Variants in UBA52 observed in about 807,000 individuals in gnomAD.
UBA52 encodes ubiquitin-ribosomal protein eL40 fusion protein.
A neutral mutation model predicts 15.3 loss-of-function variants in UBA52; 1 was observed. The observed-to-expected ratio is 0.07, with a 90% CI of 0.02 to 0.31. The LOEUF is 0.31. Among genes scored for constraint, UBA52 ranks in the 10% least tolerant of loss-of-function variants. The probability of loss-of-function intolerance (pLI) is 1.00; values close to 1 mark genes in which losing one functional copy is unlikely to be tolerated. For synonymous variants in UBA52, 50 were observed against 58.3 expected, an observed-to-expected ratio of 0.86 and a Z score of 0.65; for missense variants, 87 against 168.0, an observed-to-expected ratio of 0.52 and a Z score of 2.66.
chr19:18,569,702 C>T (rs1378238307), upstream of UBA52, among the ~76,000 whole-genome samples: 1 of 151,208 alleles, frequency 6.6e-6, no homozygotes, highest in African/African-American at 2.4e-5. Flanking sequence ...CCATCAGACA[C>T]ACTCCCAGGG....
At position 18,573,126 on chromosome 19, in the gene UBA52, G is replaced by C. The variant is rs1312577612; in HGVS notation, c.-8-167G>C. 44 of 1,121,546 alleles carry C rather than the reference G, an allele frequency of 3.9e-5. No individual in the cohort carries two copies. The East Asian group carries it at 1.2e-3, about 30-fold the overall frequency. The allele number at this position is 1,121,546 out of a possible 1,614,324, so 69.5% of individuals were successfully genotyped here. On this transcript the variant is annotated intron_variant, in intron 1 of 4. Transcript: ENST00000442744. The stretch of plus-strand genomic sequence containing the variant: ...GACTACAGGCCAGGGTGTGTGAGAA[G>C]CCTAGCAGGGCCAGGCTTGGAGGAG...
At chr19:18,573,538 G>T in intron 2 of UBA52, 124 bp from the exon 3 acceptor site, 1 of 1,311,246 alleles carries the variant, frequency 7.6e-7, no homozygotes, top group Non-Finnish European at 1.1e-6. Context: ...TCTGAAGAAC[G>T]TTTGTTATCT....
chr19:18,564,515 C>G, the UBA52 span, among the ~76,000 whole-genome samples: 1 of 152,178 alleles, frequency 6.6e-6, no homozygotes, highest in South Asian at 2.1e-4. Flanking sequence ...CAGCTATACT[C>G]GGGAGGCTGA....
In UBA52 at chr19:18,575,087, C is replaced by T. The variant is rs779857389; in HGVS notation, c.324C>T (p.Val108=). 2 of 1,614,228 alleles carry T rather than the reference C, an allele frequency of 1.2e-6. No individual in the cohort carries two copies. The highest frequency in any genetic ancestry group is 1.7e-6 in the Non-Finnish European group (2 of 1,180,040). ...KCYARLHPRA[V]NCRKKKCGHT... ...ATGCTCGCCTTCACCCTCGTGCTGT[C>T]AACTGCCGCAAGAAGAAGTGTGGTC... Residue 108 remains valine (V), a synonymous_variant, in exon 5 of 5, where the codon GTC becomes GTT. Transcript: ENST00000442744.
At chr19:18,568,730 C>A, upstream of UBA52, 1 of 885,662 alleles carries the variant, frequency 1.1e-6, no homozygotes. Flanking sequence ...TCCTTTGCTG[C>A]CCCGTTCTGT....
At chr19:18,565,166 TC>T in the UBA52 span, 1 of 1,438,682 alleles carries the variant, frequency 7.0e-7, no homozygotes, top group African/African-American at 1.4e-5. Context: ...CTGGGACAAT[TC>T]CAACCCTGGG....
chr19:18,564,111 T>G, the UBA52 span, among the ~76,000 whole-genome samples: 2 of 151,942 alleles, frequency 1.3e-5, no homozygotes, highest in Admixed American at 6.6e-5. Flanking sequence ...GGTCTCGAAC[T>G]CCTGACCTCA....
Position 18,575,168 on chromosome 19 carries a change from A to G in UBA52, c.*18A>G. The G allele has an allele frequency of 6.2e-7, 1 of 1,614,022 alleles. No homozygotes were observed. The highest frequency in any genetic ancestry group is 8.5e-7 in the Non-Finnish European group (1 of 1,180,020). ...TCAAATAAGGTGGTTCTTTCCTTGA[A>G]GGGCAGCCTCCTGCCCAGGCCCCGT... On this transcript the variant is annotated 3_prime_UTR_variant, in exon 5 of 5. Coordinates refer to ENST00000442744, the MANE Select transcript of UBA52 (RefSeq NM_001033930.3).
upstream of UBA52, chr19:18,567,328 G>T: frequency 2.6e-6 from 2 of 769,326 alleles, no homozygotes; most frequent in South Asian, 3.2e-5. Context: ...CAGGGTCAGG[G>T]TGCTGGCCTG....
At chr19:18,564,934 T>C in the UBA52 span, 1 of 1,613,652 alleles carries the variant, frequency 6.2e-7, no homozygotes, top group Admixed American at 1.7e-5. Flanking sequence ...AGTGCCCGCC[T>C]GCAGCAGATG....
chr19:18,573,732 C>A lies in UBA52; in HGVS notation c.174C>A (p.Asp58Glu). The A allele has an allele frequency of 1.2e-6, 2 of 1,614,194 alleles. No homozygotes were observed. Among genetic ancestry groups the A allele is most frequent in the Non-Finnish European group, 1.7e-6 (2 of 1,180,040 alleles). The change falls in exon 3 of 5, where the codon GAC becomes GAA. Residue 58 changes from aspartate to glutamate, a missense_variant. By Grantham distance (45) the Asp-to-Glu change is conservative. Coordinates refer to ENST00000442744, the MANE Select transcript of UBA52 (RefSeq NM_001033930.3). ...TGGAGGATGGCCGCACTCTCTCAGA[C>A]TACAACATCCAGAAAGGTACCGGGG... ...KQLEDGRTLS[D>E]YNIQKESTLH...
chr19:18,573,806 G>A (rs1229839184), intron 3 of UBA52, 58 bp downstream of exon 3: 3 of 1,523,562 alleles, frequency 2.0e-6, no homozygotes, highest in African/African-American at 1.4e-5. Flanking sequence ...TAGGAAAGGA[G>A]CATTGATGGC....
chr19:18,570,121 T>G (rs1332399780), upstream of UBA52, among the ~76,000 whole-genome samples: 2 of 152,192 alleles, frequency 1.3e-5, no homozygotes, highest in Non-Finnish European at 2.9e-5. Flanking sequence ...CCTGCAAATG[T>G]TCAAGGAAAT....
upstream of UBA52, among the ~76,000 whole-genome samples, chr19:18,570,421 T>G (rs1446845667): frequency 6.6e-6 from 1 of 151,782 alleles, no homozygotes; most frequent in East Asian, 1.9e-4. Context: ...AGGCTGGTCG[T>G]GAATTCCTGA....
intron 1 of UBA52, chr19:18,572,963 A>C: frequency 8.6e-7 from 1 of 1,158,798 alleles, no homozygotes; most frequent in Non-Finnish European, 1.1e-6. Context: ...GCCAAAGGGT[A>C]CTTATTCCAT....
upstream of UBA52, among the ~76,000 whole-genome samples, chr19:18,570,619 C>T (rs970037688): frequency 1.4e-5 from 2 of 147,786 alleles, no homozygotes; most frequent in African/African-American, 5.0e-5. Context: ...TCAAGCGATT[C>T]TCCTGCCTCA....
chr19:18,565,080 C>T, the UBA52 span: 1 of 1,582,978 alleles, frequency 6.3e-7, no homozygotes, highest in East Asian at 2.2e-5. Flanking sequence ...CCCATCTGAG[C>T]CTCAGTTTCC....
chr19:18,565,954 T>C, the UBA52 span, among the ~76,000 whole-genome samples: 4 of 152,100 alleles, frequency 2.6e-5, no homozygotes, highest in Admixed American at 1.3e-4. Flanking sequence ...TCCTAAAGTG[T>C]TGGGATTACA....
At chr19:18,563,972 C>T in the UBA52 span, among the ~76,000 whole-genome samples, 3 of 151,452 alleles carry the variant, frequency 2.0e-5, no homozygotes, top group Admixed American at 6.6e-5. Context: ...CTGCTATGTC[C>T]GCCTCCCGGG....
Sources: gnomAD v4.1 joint callset for allele counts (sites outside exome capture counted in the v4.1 genomes callset) on GRCh38, gnomAD v4.1.1 for gene constraint, MANE v1.5 for transcripts, NCBI Gene and HGNC (gene_info 2026-07-23, HGNC 2026-07-21) for gene names.